The following DACH1 variants were observed in gnomAD, a reference collection of about 807,000 sequenced individuals.
DACH1 encodes dachshund family transcription factor 1.
In DACH1, 12 loss-of-function variants were observed where a neutral mutation model predicts 54.2. The ratio of observed to expected loss-of-function variants is 0.22; its 90% CI spans 0.14 to 0.36. The LOEUF is 0.36. Among genes scored for constraint, DACH1 ranks in the 10% least tolerant of loss-of-function variants. The pLI is 1.00. For synonymous variants in DACH1, 386 were observed against 366.2 expected (o/e 1.05, Z -0.62); for missense variants, 805 against 929.8 (o/e 0.87, Z 1.75).
At chr13:71,636,925 T>C (rs1282340003) in intron 2 of DACH1, among the ~76,000 whole-genome samples, 2 of 152,172 alleles carry the variant, frequency 1.3e-5, no homozygotes, top group Non-Finnish European at 2.9e-5. Flanking sequence ...AATTATAGAT[T>C]TTTTTTAAAA....
intron 1 of DACH1, among the ~76,000 whole-genome samples, chr13:71,783,676 A>C (rs547040470): frequency 6.6e-6 from 1 of 152,240 alleles, no homozygotes; most frequent in African/African-American, 2.4e-5. Flanking sequence ...AGGAGTCTTA[A>C]GAGGAGTGAT....
chr13:71,499,391 G>T (rs766611726), intron 6 of DACH1, among the ~76,000 whole-genome samples: 1 of 152,134 alleles, frequency 6.6e-6, no homozygotes, highest in Non-Finnish European at 1.5e-5. Context: ...TTGATGTTTT[G>T]CATATCTGCA....
chr13:71,748,932 C>CT (rs1418681155), intron 1 of DACH1, among the ~76,000 whole-genome samples: 1 of 43,166 alleles, frequency 2.3e-5, no homozygotes, highest in Non-Finnish European at 8.9e-5. Context: ...TTCTTTCTTT[C>CT]TTTCTTTCTT....
chr13:71,694,220 A>G (rs1199781160), intron 1 of DACH1, among the ~76,000 whole-genome samples: 2 of 152,098 alleles, frequency 1.3e-5, no homozygotes, highest in East Asian at 3.9e-4. Flanking sequence ...ACACAAGCAC[A>G]CACACATCCG....
intron 10 of DACH1, among the ~76,000 whole-genome samples, chr13:71,459,474 A>G (rs1203240875): frequency 6.6e-6 from 1 of 151,948 alleles, no homozygotes; most frequent in Non-Finnish European, 1.5e-5. Context: ...GTTTCATTAT[A>G]ACTTAAATTC....
At chr13:71,567,515 G>T (rs1884963344) in intron 4 of DACH1, among the ~76,000 whole-genome samples, 1 of 151,944 alleles carries the variant, frequency 6.6e-6, no homozygotes, top group Non-Finnish European at 1.5e-5. Context: ...GCTTGACAGG[G>T]ATTCCCTGCA....
Position 71,866,833 on chromosome 13 carries a change from G to A in DACH1, c.-64C>T, listed in dbSNP as rs1874857699. ...AGGAAAAGTTGCCACACACCCCCGG[G>A]AGGGGAAGGGGAAAAAAGGGGGGAG... On this transcript the variant is annotated 5_prime_UTR_variant, in exon 1 of 11. Coordinates refer to ENST00000613252, the MANE Select transcript of DACH1 (RefSeq NM_080759.6). 2.4e-6 allele frequency: 3 copies of A among 1,226,598 alleles called. No homozygotes were observed. Among genetic ancestry groups the A allele is most frequent in the Non-Finnish European group, 3.1e-6 (3 of 973,564 alleles). 76.0% of individuals were successfully genotyped at this position (1,226,598 alleles called of 1,614,324 possible). A position where few individuals can be genotyped will look rare whatever the true frequency, so the allele number is the denominator to read the frequency against.
At chr13:71,770,333 A>T (rs983557251) in intron 1 of DACH1, among the ~76,000 whole-genome samples, 2 of 151,622 alleles carry the variant, frequency 1.3e-5, no homozygotes, top group African/African-American at 2.4e-5. Flanking sequence ...ACCAATTCTA[A>T]TAGTAAGTTA....
intron 1 of DACH1, among the ~76,000 whole-genome samples, chr13:71,728,742 A>G (rs1231243187): frequency 3.9e-5 from 6 of 151,960 alleles, no homozygotes; most frequent in South Asian, 2.1e-4. Flanking sequence ...TACTGAGTGT[A>G]TTGTCTGTCT....
At chr13:71,677,007 A>G (rs1880614452) in intron 2 of DACH1, among the ~76,000 whole-genome samples, 1 of 152,234 alleles carries the variant, frequency 6.6e-6, no homozygotes, top group African/African-American at 2.4e-5. Flanking sequence ...TGAGGACTCA[A>G]TTAATTCTTA....
intron 1 of DACH1, among the ~76,000 whole-genome samples, chr13:71,818,355 GA>G (rs1481971449): frequency 6.6e-6 from 1 of 152,128 alleles, no homozygotes; most frequent in Non-Finnish European, 1.5e-5. Context: ...TTTGCATAAT[GA>G]AAAAACAGAC....
chr13:71,492,675 T>G (rs1879073783), intron 6 of DACH1, among the ~76,000 whole-genome samples: 1 of 151,834 alleles, frequency 6.6e-6, no homozygotes, highest in Admixed American at 6.6e-5. Context: ...ATTGTTTACA[T>G]TTTGTCACTT....
At position 71,857,304 on chromosome 13, in the gene DACH1, CT is replaced by C. The variant is rs557888664; in HGVS notation, c.848+8617del. On this transcript the variant is annotated intron_variant, in intron 1 of 10. Coordinates refer to ENST00000613252, the MANE Select transcript of DACH1 (RefSeq NM_080759.6). ...TACTTCTTTAACTCTAAAATTAATT[CT>C]TTTTTTCTGTTGTATTTCAGTAAAA... Among the ~76,000 whole-genome samples the C allele has an allele frequency of 2.6e-5, 4 of 151,052 alleles. No homozygotes were observed. In the East Asian group the frequency reaches 5.8e-4, roughly 22 times the overall value.
At chr13:71,665,636 G>A (rs1291284145) in intron 2 of DACH1, among the ~76,000 whole-genome samples, 4 of 151,990 alleles carry the variant, frequency 2.6e-5, no homozygotes, top group Non-Finnish European at 4.4e-5. Flanking sequence ...TTAGGATTAA[G>A]CATGCTAATG....
intron 3 of DACH1, among the ~76,000 whole-genome samples, chr13:71,577,073 C>A (rs1294576494): frequency 2.0e-5 from 3 of 152,050 alleles, no homozygotes; most frequent in Admixed American, 1.3e-4. Context: ...TGCACAAGTC[C>A]CTCACAGTAG....
chr13:71,728,500 GA>G (rs535101234), intron 1 of DACH1, among the ~76,000 whole-genome samples: 35 of 151,824 alleles, frequency 2.3e-4, no homozygotes, highest in Admixed American at 1.7e-3. Flanking sequence ...CCTCTAAAGA[GA>G]AAAAAATTGT....
chr13:71,708,884 G>C (rs1238997316), intron 1 of DACH1, among the ~76,000 whole-genome samples: 3 of 126,058 alleles, frequency 2.4e-5, no homozygotes, highest in Non-Finnish European at 3.2e-5. Flanking sequence ...ACGGAGTCTC[G>C]CTCTGTCGCC....
At chr13:71,445,142 GTGT>G (rs1874336783) in intron 10 of DACH1, among the ~76,000 whole-genome samples, 1 of 152,076 alleles carries the variant, frequency 6.6e-6, no homozygotes, top group Non-Finnish European at 1.5e-5. Context: ...CTTCAGCATG[GTGT>G]TGTTTGCATT....
intron 2 of DACH1, among the ~76,000 whole-genome samples, chr13:71,635,925 C>A (rs1258922230): frequency 1.3e-5 from 2 of 152,070 alleles, no homozygotes; most frequent in African/African-American, 2.4e-5. Context: ...GGATTATAGG[C>A]AAACACCACC....
Sources: gnomAD v4.1 joint callset for allele counts (sites outside exome capture counted in the v4.1 genomes callset) on GRCh38, gnomAD v4.1.1 for gene constraint, MANE v1.5 for transcripts, NCBI Gene and HGNC (gene_info 2026-07-23, HGNC 2026-07-21) for gene names.